GALNTL6: variants seen among roughly 807,000 people sequenced by gnomAD.
GALNTL6 encodes polypeptide N-acetylgalactosaminyltransferase like 6, also known as polypeptide N-acetylgalactosaminyltransferase-like 6.
Under a neutral mutation model 73.7 loss-of-function variants are expected in GALNTL6, and 46 were observed. The ratio of observed to expected loss-of-function variants is 0.62; its 90% confidence interval spans 0.49 to 0.80. The LOEUF is 0.80. Ranked by LOEUF, GALNTL6 falls within the 30% of genes least tolerant of loss-of-function variation. GALNTL6 has a pLI of 0.00. For missense variants in GALNTL6, 604 were observed against 755.0 expected (o/e 0.80, Z 2.34); for synonymous variants, 259 against 263.7 (o/e 0.98, Z 0.17).
At chr4:171,906,140 A>G (rs1737267957) in intron 2 of GALNTL6, among the ~76,000 whole-genome samples, 1 of 151,612 alleles carries the variant, frequency 6.6e-6, no homozygotes, top group African/African-American at 2.4e-5. Flanking sequence ...AAATAACTAA[A>G]ATCAGAGCAG....
chr4:172,671,409 T>G (rs2111205561), intron 5 of GALNTL6, among the ~76,000 whole-genome samples: 1 of 152,202 alleles, frequency 6.6e-6, no homozygotes, highest in South Asian at 2.1e-4. Context: ...TTTGTGTGTG[T>G]GTTTGTGTGG....
At chr4:172,382,331 G>A (rs957668246) in intron 5 of GALNTL6, among the ~76,000 whole-genome samples, 2 of 151,582 alleles carry the variant, frequency 1.3e-5, no homozygotes, top group African/African-American at 4.9e-5. Flanking sequence ...GTATTTCATT[G>A]AGGTTTTGAT....
At chr4:172,412,035 T>A (rs942212361) in intron 5 of GALNTL6, among the ~76,000 whole-genome samples, 2 of 151,816 alleles carry the variant, frequency 1.3e-5, no homozygotes, top group Non-Finnish European at 2.9e-5. Context: ...ATTATATATT[T>A]ATTTATTTTT....
chr4:172,988,731 C>T (rs760895718), intron 10 of GALNTL6, among the ~76,000 whole-genome samples: 3 of 152,252 alleles, frequency 2.0e-5, no homozygotes, highest in Non-Finnish European at 2.9e-5. Flanking sequence ...ACACTGCTCC[C>T]TGCATCCTAT....
intron 7 of GALNTL6, among the ~76,000 whole-genome samples, chr4:172,865,993 T>A (rs560603880): frequency 6.6e-6 from 1 of 152,284 alleles, no homozygotes; most frequent in African/African-American, 2.4e-5. Flanking sequence ...ATTTTCAATC[T>A]CTCTTTTGAC....
intron 5 of GALNTL6, among the ~76,000 whole-genome samples, chr4:172,714,703 G>C (rs989082233): frequency 1.3e-5 from 2 of 152,024 alleles, no homozygotes; most frequent in African/African-American, 4.8e-5. Flanking sequence ...TCAATACATA[G>C]GCCATTTAAA....
chr4:172,413,920 A>G (rs895384393), intron 5 of GALNTL6, among the ~76,000 whole-genome samples: 6 of 152,272 alleles, frequency 3.9e-5, no homozygotes. Context: ...CACTGCCTGC[A>G]TAGAAGATAG....
At chr4:172,028,440 C>CA (rs1741659887) in intron 2 of GALNTL6, among the ~76,000 whole-genome samples, 1 of 151,942 alleles carries the variant, frequency 6.6e-6, no homozygotes, top group Non-Finnish European at 1.5e-5. Flanking sequence ...CTAATAAAAA[C>CA]ATTTAAACAA....
rs578153685 is a variant in GALNTL6 at position 172,573,702 on chromosome 4, A to G, written c.553+225013A>G. 7.9e-5 allele frequency among the ~76,000 whole-genome samples: 12 copies of G among 152,268 alleles called. No homozygotes were observed. In the East Asian group the frequency reaches 2.1e-3, roughly 27 times the overall value. On this transcript the variant is annotated intron_variant, in intron 5 of 12. Coordinates refer to ENST00000506823, the MANE Select transcript of GALNTL6 (RefSeq NM_001034845.3). ...AGCCCTTACAGAGAGCTCAGGGCAG[A>G]TACTCTGAAGTGGTTAACCCACAGT...
chr4:171,934,793 A>C (rs1023455231), intron 2 of GALNTL6, among the ~76,000 whole-genome samples: 2 of 152,162 alleles, frequency 1.3e-5, no homozygotes, highest in African/African-American at 4.8e-5. Flanking sequence ...AGAATACTAC[A>C]GTTTCTGTTA....
In GALNTL6 at chr4:172,602,501, T is replaced by TCAAAGTTACA. The variant is rs368680653; in HGVS notation, c.554-206860_554-206859insCAAAGTTACA. Among the ~76,000 whole-genome samples the TCAAAGTTACA allele has an allele frequency of 1.3e-5, 2 of 151,956 alleles. 1 individual carries two copies. Among genetic ancestry groups the TCAAAGTTACA allele is most frequent in the Non-Finnish European group, 2.9e-5 (2 of 67,940 alleles). ...AAACATTATTTAAATTAGGTTTAAA[T>TCAAAGTTACA]TATTTTAAACCTTAAAACAACTGTC... On this transcript the variant is annotated intron_variant, in intron 5 of 12. Transcript: ENST00000506823.
chr4:172,679,388 G>A lies in GALNTL6; in HGVS notation c.554-129973G>A, dbSNP rs1052526775. Among the ~76,000 whole-genome samples the A allele has an allele frequency of 3.3e-5, 5 of 150,566 alleles. No individual in the cohort carries two copies. In the East Asian group the frequency reaches 5.9e-4, roughly 18 times the overall value. The stretch of plus-strand genomic sequence containing the variant: ...ATTGCCCCATTGCACTCCAGCCTGG[G>A]CAATAAGAGAGAAACTCCATCTCAA... On this transcript the variant is annotated intron_variant, in intron 5 of 12. Coordinates refer to ENST00000506823, the MANE Select transcript of GALNTL6 (RefSeq NM_001034845.3).
intron 5 of GALNTL6, among the ~76,000 whole-genome samples, chr4:172,433,090 T>A (rs1047708911): frequency 6.6e-6 from 1 of 152,164 alleles, no homozygotes; most frequent in African/African-American, 2.4e-5. Flanking sequence ...CTTTGAATGT[T>A]TGAGTTATGA....
At chr4:172,431,551 G>T (rs1007569764) in intron 5 of GALNTL6, among the ~76,000 whole-genome samples, 2 of 152,038 alleles carry the variant, frequency 1.3e-5, no homozygotes, top group African/African-American at 4.8e-5. Context: ...GAATGTTAAT[G>T]GAAGTATGAT....
intron 5 of GALNTL6, among the ~76,000 whole-genome samples, chr4:172,686,823 G>A (rs75204615): frequency 0.016 from 2,374 of 152,114 alleles, 26 homozygotes; most frequent in Middle Eastern, 0.024. Flanking sequence ...TTGTTTTTAG[G>A]CCTCATCTAT....
intron 4 of GALNTL6, among the ~76,000 whole-genome samples, chr4:172,334,338 G>T (rs1741234972): frequency 6.6e-6 from 1 of 152,076 alleles, no homozygotes; most frequent in Non-Finnish European, 1.5e-5. Flanking sequence ...AATTGCTTTG[G>T]ACAATATGGT....
At chr4:172,666,307 G>C (rs779322544) in intron 5 of GALNTL6, among the ~76,000 whole-genome samples, 22 of 152,172 alleles carry the variant, frequency 1.4e-4, no homozygotes, top group Non-Finnish European at 2.6e-4. Flanking sequence ...TCACATGAAT[G>C]ATGGTTTGTT....
intron 2 of GALNTL6, among the ~76,000 whole-genome samples, chr4:172,154,257 AGTTTT>A (rs1415234660): frequency 1.3e-5 from 2 of 148,966 alleles, no homozygotes; most frequent in Non-Finnish European, 3.0e-5. Context: ...TTTGAGATGG[AGTTTT>A]GCTCTTGTTG....
intron 2 of GALNTL6, among the ~76,000 whole-genome samples, chr4:172,203,486 G>A (rs1310343243): frequency 2.0e-5 from 3 of 152,042 alleles, no homozygotes; most frequent in Admixed American, 1.3e-4. Flanking sequence ...TTGTTATAGG[G>A]TATCAATCTC....
Sources: allele counts gnomAD v4.1 joint callset (sites outside exome capture counted in the v4.1 genomes callset), GRCh38; gene constraint gnomAD v4.1.1; transcripts MANE v1.5; gene names NCBI Gene and HGNC (gene_info 2026-07-23, HGNC 2026-07-21).